SPCS1: variants seen among roughly 807,000 people sequenced by gnomAD.
SPCS1 encodes the protein signal peptidase complex subunit 1.
In SPCS1, 10 loss-of-function variants were observed where a neutral mutation model predicts 16.4. That is an observed-to-expected ratio of 0.61 (90% CI 0.38 to 1.03). The LOEUF (loss-of-function observed/expected upper bound fraction) is 1.03. Ranked by LOEUF, SPCS1 falls within the 50% of genes least tolerant of loss-of-function variation. SPCS1 has a pLI of 0.01. For missense variants in SPCS1, 118 were observed against 123.8 expected, an observed-to-expected ratio of 0.95 and a Z score of 0.22; for synonymous variants, 47 against 42.5, an observed-to-expected ratio of 1.10 and a Z score of -0.41.
chr3:52,706,740 C>T (rs746684557), intron 2 of SPCS1, 37 bp downstream of exon 2: 2 of 1,609,198 alleles, frequency 1.2e-6, no homozygotes, highest in Non-Finnish European at 1.7e-6. Context: ...CCGCCCCCGC[C>T]TCCCTCCCAA....
rs1280896773 is a variant in SPCS1 at position 52,710,088 on chromosome 3, C to G, written c.*2276C>G. On this transcript the variant is annotated 3_prime_UTR_variant, in exon 4 of 4. Transcript: ENST00000619898. Reference sequence around the variant, plus strand: ...ATAAAAATCTGTTAAGTGTGCCGGGCGCGGTGGCTCACGCCTGTAATCCCA... The same window carrying G: ...ATAAAAATCTGTTAAGTGTGCCGGGGGCGGTGGCTCACGCCTGTAATCCCA... 6.6e-6 allele frequency: 1 copy of G among 152,270 alleles called. No homozygotes were observed. Among genetic ancestry groups the G allele is most frequent in the Non-Finnish European group, 1.5e-5 (1 of 68,118 alleles). 9.4% of individuals were successfully genotyped at this position (152,270 alleles called of 1,614,324 possible). A position where few individuals can be genotyped will look rare whatever the true frequency, so the allele number is the denominator to read the frequency against.
rs202111306 is a variant in SPCS1 at position 52,706,633 on chromosome 3, C to T, written c.37-11C>T. 2.5e-5 allele frequency: 40 copies of T among 1,613,124 alleles called. No homozygotes were observed. Among genetic ancestry groups the T allele is most frequent in the Non-Finnish European group, 2.0e-5 (24 of 1,179,436 alleles). ...TGGAACCAATTCTTTTTTTCCTCTG[C>T]TTCACCCCAGGATTACAAGGGCCAG... On this transcript the variant is annotated splice_polypyrimidine_tract_variant and intron_variant, in intron 1 of 3. Transcript: ENST00000619898.
chr3:52,706,471 A>G, intron 1 of SPCS1, 173 bp from the exon 2 acceptor site: 1 of 824,262 alleles, frequency 1.2e-6, no homozygotes, highest in Non-Finnish European at 1.9e-6. Context: ...ATTCTCCGTG[A>G]GGGTGTTTCA....
rs2097347994 is a variant in SPCS1, at chr3:52,709,325, T to C, written c.*1513T>C. On this transcript the variant is annotated 3_prime_UTR_variant, in exon 4 of 4. Transcript: ENST00000619898. ...GAGTTTTTAAATTAATTTAGGAAGATGAATTAAGCACTCAAGTAAAAACGA... is the reference window on the plus strand; with the variant it reads ...GAGTTTTTAAATTAATTTAGGAAGACGAATTAAGCACTCAAGTAAAAACGA... 6.6e-6 allele frequency: 1 copy of C among 151,980 alleles called. No homozygotes were observed. Among genetic ancestry groups the C allele is most frequent in the African/African-American group, 2.4e-5 (1 of 41,350 alleles). The allele number at this position is 151,980 out of a possible 1,614,324, so 9.4% of individuals were successfully genotyped here. A position where few individuals can be genotyped will look rare whatever the true frequency, so the allele number is the denominator to read the frequency against.
chr3:52,706,556 T>C, intron 1 of SPCS1, 88 bp from the exon 2 acceptor site: 1 of 1,258,176 alleles, frequency 7.9e-7, no homozygotes, highest in Non-Finnish European at 1.2e-6. Context: ...ATGTTGGGGT[T>C]ACCCTGTGCC....
rs1440578059 is a variant in SPCS1 at position 52,707,863 on chromosome 3, GC to G, written c.*52del. Reference sequence around the variant, plus strand: ...TTGTTTCTGTGAGATGAGCTAAATTGCTTTCATACCCCAGATAAGAGCTAAA... The same window carrying G: ...TTGTTTCTGTGAGATGAGCTAAATTGTTTCATACCCCAGATAAGAGCTAAA... On this transcript the variant is annotated 3_prime_UTR_variant, in exon 4 of 4. Coordinates refer to ENST00000619898, the MANE Select transcript of SPCS1 (RefSeq NM_014041.5). 2 of 1,610,400 alleles carry G rather than the reference GC, an allele frequency of 1.2e-6. No homozygotes were observed. Among genetic ancestry groups the G allele is most frequent in the Non-Finnish European group, 8.5e-7 (1 of 1,177,730 alleles).
At position 52,709,826 on chromosome 3, in the gene SPCS1, C is replaced by T. The variant is rs2097348623; in HGVS notation, c.*2014C>T. 6.6e-6 allele frequency: 1 copy of T among 151,480 alleles called. No individual in the cohort carries two copies. The highest frequency in any genetic ancestry group is 6.6e-5 in the Admixed American group (1 of 15,178). 9.4% of individuals were successfully genotyped at this position (151,480 alleles called of 1,614,324 possible). ...GACTCTCCAGAACGATGTGGATTTCCAAAACATGCACGGAAAGGTGAATAG... is the reference window on the plus strand; with the variant it reads ...GACTCTCCAGAACGATGTGGATTTCTAAAACATGCACGGAAAGGTGAATAG... On this transcript the variant is annotated 3_prime_UTR_variant, in exon 4 of 4. Transcript: ENST00000619898.
Position 52,706,683 on chromosome 3 carries a change from G to A in SPCS1, c.76G>A (p.Gly26Arg), listed in dbSNP as rs1479226224. Residue 26 changes from glycine (G) to arginine (R), a missense_variant, in exon 2 of 4, where the codon GGA becomes AGA. By Grantham distance (125) the Gly-to-Arg change is moderately radical. Transcript: ENST00000619898. ...GQKLAEQMFQGIILFSAIVGF... is the reference protein window; with the variant it reads ...GQKLAEQMFQRIILFSAIVGF... ...GAAGCTAGCTGAACAGATGTTTCAG[G>A]GAATTATTCTTTTTTCTGCAGTAAG... 6.2e-7 allele frequency: 1 copy of A among 1,613,834 alleles called. No homozygotes were observed. Among genetic ancestry groups the A allele is most frequent in the South Asian group, 1.1e-5 (1 of 91,054 alleles).
Position 52,710,769 on chromosome 3 carries a change from A to AAAC in SPCS1, c.*2959_*2961dup, listed in dbSNP as rs2097349612. ...AGAGTGAAACTCTGTCTCAAAAAAAAAACACCTGAAAACATTTCTGGAGCA... is the reference window on the plus strand; with the variant it reads ...AGAGTGAAACTCTGTCTCAAAAAAAAAACAACACCTGAAAACATTTCTGGAGCA... On this transcript the variant is annotated 3_prime_UTR_variant, in exon 4 of 4. Coordinates refer to ENST00000619898, the MANE Select transcript of SPCS1 (RefSeq NM_014041.5). 3 of 152,186 alleles carry AAAC rather than the reference A, an allele frequency of 2.0e-5. No individual in the cohort carries two copies. Among genetic ancestry groups the AAAC allele is most frequent in the Admixed American group, 1.3e-4 (2 of 15,278 alleles). The allele number at this position is 152,186 out of a possible 1,614,324, so 9.4% of individuals were successfully genotyped here.
At chr3:52,706,428 C>T (rs990580698) in intron 1 of SPCS1, 146 bp downstream of exon 1, 2 of 925,352 alleles carry the variant, frequency 2.2e-6, no homozygotes. Context: ...TCCTGGGTCC[C>T]CTTCTCTTCT....
In SPCS1 at chr3:52,707,913, A is replaced by G. The variant is rs1638967506; in HGVS notation, c.*101A>G. The G allele has an allele frequency of 7.1e-7, 1 of 1,403,762 alleles. No individual in the cohort carries two copies. 87.0% of individuals were successfully genotyped at this position (1,403,762 alleles called of 1,614,324 possible). On this transcript the variant is annotated 3_prime_UTR_variant, in exon 4 of 4. Transcript: ENST00000619898. ...AAACCACCTAATGCTCTTATGGCAC[A>G]GCTGTGTATAGATTTAGTTCTCTTT...
In SPCS1 at chr3:52,708,588, G is replaced by A. The variant is rs2097347168; in HGVS notation, c.*776G>A. On this transcript the variant is annotated 3_prime_UTR_variant, in exon 4 of 4. Coordinates refer to ENST00000619898, the MANE Select transcript of SPCS1 (RefSeq NM_014041.5). The stretch of plus-strand genomic sequence containing the variant: ...GTTCAATAGCTATATGTGACTAGTG[G>A]CTACCATATAAAACATTTCCATCAC... The A allele has an allele frequency of 1.3e-5, 2 of 152,106 alleles. No individual in the cohort carries two copies. Among genetic ancestry groups the A allele is most frequent in the Non-Finnish European group, 2.9e-5 (2 of 68,020 alleles). The allele number at this position is 152,106 out of a possible 1,614,324, so 9.4% of individuals were successfully genotyped here.
rs1247435317 is a variant in SPCS1, at chr3:52,710,931, A to T, written c.*3119A>T. 1 of 152,630 alleles carries T rather than the reference A, an allele frequency of 6.6e-6. No individual in the cohort carries two copies. Among genetic ancestry groups the T allele is most frequent in the African/African-American group, 2.4e-5 (1 of 41,462 alleles). 9.5% of individuals were successfully genotyped at this position (152,630 alleles called of 1,614,324 possible). ...CTAATAAAATATGTGCTATATAATCATACATTTAAAACATGGAAAGACAAC... is the reference window on the plus strand; with the variant it reads ...CTAATAAAATATGTGCTATATAATCTTACATTTAAAACATGGAAAGACAAC... On this transcript the variant is annotated 3_prime_UTR_variant, in exon 4 of 4. Coordinates refer to ENST00000619898, the MANE Select transcript of SPCS1 (RefSeq NM_014041.5).
Position 52,710,400 on chromosome 3 carries a change from G to C in SPCS1, c.*2588G>C, listed in dbSNP as rs1378739810. ...AAAAATTGTTAAGTGGCTGTAAAGG[G>C]AACATTTCATTAGAGTATTTGTGTG... On this transcript the variant is annotated 3_prime_UTR_variant, in exon 4 of 4. Transcript: ENST00000619898. The C allele has an allele frequency of 6.6e-6, 1 of 151,236 alleles. No individual in the cohort carries two copies. 9.4% of individuals were successfully genotyped at this position (151,236 alleles called of 1,614,324 possible).
At chr3:52,707,239 G>A (rs1561273701) in intron 3 of SPCS1, 1 of 214,592 alleles carries the variant, frequency 4.7e-6, no homozygotes, top group Non-Finnish European at 9.3e-6. Flanking sequence ...GGGCGATTTC[G>A]GCTCACTGCA....
Position 52,706,122 on chromosome 3 carries a change from C to A in SPCS1, c.-125C>A. 1 of 1,539,972 alleles carries A rather than the reference C, an allele frequency of 6.5e-7. No individual in the cohort carries two copies. On this transcript the variant is annotated 5_prime_UTR_variant, in exon 1 of 4. Coordinates refer to ENST00000619898, the MANE Select transcript of SPCS1 (RefSeq NM_014041.5). ...TCCGGGGCCGCCGCCATCGCTCTCC[C>A]GGGCTTAGAAGGCCCGGCTACTGAC...
At chr3:52,706,926 G>T (rs907141993) in intron 3 of SPCS1, 47 bp downstream of exon 3, 3 of 1,415,070 alleles carry the variant, frequency 2.1e-6, no homozygotes, top group South Asian at 1.2e-5. Context: ...TTGTGAGTCG[G>T]GTTGGTTTGG....
Position 52,709,514 on chromosome 3 carries a change from G to A in SPCS1, c.*1702G>A, listed in dbSNP as rs2097348242. ...TTGAATGCAGTTTGAGACCAGCCTG[G>A]GCAACACAGACTTCCTCTCCACAAA... On this transcript the variant is annotated 3_prime_UTR_variant, in exon 4 of 4. Transcript: ENST00000619898. 6.6e-6 allele frequency: 1 copy of A among 151,664 alleles called. No homozygotes were observed. The highest frequency in any genetic ancestry group is 1.5e-5 in the Non-Finnish European group (1 of 67,954). The allele number at this position is 151,664 out of a possible 1,614,324, so 9.4% of individuals were successfully genotyped here.
chr3:52,707,426 G>C (rs2097345743), intron 3 of SPCS1: 1 of 335,846 alleles, frequency 3.0e-6, no homozygotes, highest in African/African-American at 2.1e-5. Flanking sequence ...AGAGTGCTTG[G>C]ATTACAGGCG....
Sources: gnomAD v4.1 joint callset for allele counts on GRCh38, gnomAD v4.1.1 for gene constraint, MANE v1.5 for transcripts, NCBI Gene and HGNC (gene_info 2026-07-23, HGNC 2026-07-21) for gene names.